The following PLCB1 variants were observed in gnomAD, a reference collection of about 807,000 sequenced individuals.
PLCB1 encodes the protein phospholipase C beta 1.
A neutral mutation model predicts 161.8 loss-of-function variants in PLCB1; 46 were observed. The ratio of observed to expected loss-of-function variants is 0.28; its 90% CI spans 0.22 to 0.36. The LOEUF (loss-of-function observed/expected upper bound fraction) is 0.36, where lower values mean the gene tolerates loss of function less well. Among genes scored for constraint, PLCB1 ranks in the 10% least tolerant of loss-of-function variants. The pLI, the probability that PLCB1 is intolerant of heterozygous loss-of-function variation, is 1.00. For missense variants in PLCB1, 1,016 were observed against 1,472.5 expected (o/e 0.69, Z 5.07); for synonymous variants, 517 against 503.7 (o/e 1.03, Z -0.35).
intron 3 of PLCB1, among the ~76,000 whole-genome samples, chr20:8,624,256 A>ATT (rs1014436713): frequency 2.6e-5 from 4 of 152,168 alleles, no homozygotes; most frequent in Non-Finnish European, 5.9e-5. Context: ...TATAACTGTA[A>ATT]TTCAGATTGA....
At position 8,760,422 on chromosome 20, in the gene PLCB1, C is replaced by A; in HGVS notation, c.2672C>A (p.Pro891His). The A allele has an allele frequency of 6.2e-7, 1 of 1,609,370 alleles. No homozygotes were observed. Among genetic ancestry groups the A allele is most frequent in the Middle Eastern group, 1.7e-4 (1 of 6,050 alleles). ...TATATTACAGGTTCTGTAAAGGCAC[C>A]TGCCAAAACAGAAGATCTTATTCAG... ...SQPAPGSVKA[P>H]AKTEDLIQSV... Residue 891 changes from proline (P) to histidine (H), a missense_variant, in exon 25 of 32, where the codon CCT becomes CAT. Around this residue, in one of 10 missense-constraint regions of PLCB1, gnomAD observed 398 missense variants for 445.4 expected, o/e 0.89. Coordinates refer to ENST00000338037, the MANE Select transcript of PLCB1 (RefSeq NM_015192.4).
At chr20:8,238,821 T>C (rs1351501118) in intron 2 of PLCB1, among the ~76,000 whole-genome samples, 2 of 150,704 alleles carry the variant, frequency 1.3e-5, no homozygotes, top group East Asian at 3.9e-4. Flanking sequence ...TATATAGAAA[T>C]GGGTAATCTT....
intron 2 of PLCB1, among the ~76,000 whole-genome samples, chr20:8,217,150 C>G (rs1204219081): frequency 6.6e-6 from 1 of 151,136 alleles, no homozygotes; most frequent in Non-Finnish European, 1.5e-5. Flanking sequence ...TTATTCACAT[C>G]TCCTTTGTAA....
chr20:8,632,907 C>T (rs764758955), intron 4 of PLCB1, among the ~76,000 whole-genome samples: 2 of 151,896 alleles, frequency 1.3e-5, no homozygotes, highest in Non-Finnish European at 2.9e-5. Flanking sequence ...GATGGAAGCC[C>T]CGAGAGGGTT....
At chr20:8,347,638 T>C (rs916906602) in intron 2 of PLCB1, among the ~76,000 whole-genome samples, 1 of 152,258 alleles carries the variant, frequency 6.6e-6, no homozygotes, top group Non-Finnish European at 1.5e-5. Flanking sequence ...ATTAATGGAA[T>C]TGGAATTGTC....
intron 2 of PLCB1, among the ~76,000 whole-genome samples, chr20:8,202,116 C>T (rs943267581): frequency 1.0e-5 from 1 of 98,454 alleles, no homozygotes; most frequent in Non-Finnish European, 2.0e-5. Context: ...CTCACTCTGT[C>T]GCCCAGACTG....
At chr20:8,353,640 AATC>A (rs1986259879) in intron 2 of PLCB1, among the ~76,000 whole-genome samples, 1 of 152,136 alleles carries the variant, frequency 6.6e-6, no homozygotes, top group Admixed American at 6.5e-5. Context: ...ACTTCAGCCT[AATC>A]ATGAGAAAAA....
At chr20:8,799,582 C>A (rs1022537) in intron 31 of PLCB1, among the ~76,000 whole-genome samples, 137,325 of 152,204 alleles carry the variant, frequency 0.9, 62,585 homozygotes, top group Non-Finnish European at 0.96. Flanking sequence ...CACATCCAAA[C>A]CACTTTAAAG....
chr20:8,334,283 G>A (rs761064312), intron 2 of PLCB1, among the ~76,000 whole-genome samples: 5 of 151,862 alleles, frequency 3.3e-5, no homozygotes, highest in Non-Finnish European at 5.9e-5. Context: ...ACTATGATTC[G>A]AGGCAAGTTA....
chr20:8,388,766 CAT>C (rs913186308), intron 3 of PLCB1, among the ~76,000 whole-genome samples: 16 of 152,010 alleles, frequency 1.1e-4, no homozygotes, highest in African/African-American at 3.1e-4. Flanking sequence ...TGTGTGCGTG[CAT>C]GTGTGTGTGT....
At chr20:8,360,188 T>A (rs1373042198) in intron 2 of PLCB1, among the ~76,000 whole-genome samples, 2 of 152,194 alleles carry the variant, frequency 1.3e-5, no homozygotes, top group African/African-American at 4.8e-5. Flanking sequence ...AACTATCAGC[T>A]CTCTGGGGAG....
chr20:8,210,345 A>G (rs1271377629), intron 2 of PLCB1, among the ~76,000 whole-genome samples: 1 of 151,906 alleles, frequency 6.6e-6, no homozygotes, highest in Admixed American at 6.6e-5. Context: ...CAATCTTTGA[A>G]CTCCTAAGTT....
At position 8,880,102 on chromosome 20, in the gene PLCB1, G is replaced by A. The variant is rs190716659; in HGVS notation, c.3424-1520G>A. On this transcript the variant is annotated intron_variant, in intron 31 of 31. Coordinates refer to ENST00000338037, the MANE Select transcript of PLCB1 (RefSeq NM_015192.4). ...GTGTGCACTTAAAGTTTGAAAAGCA[G>A]GGGGAAAAATACAGGTTTTAAGTCC... Among the ~76,000 whole-genome samples the A allele has an allele frequency of 1.4e-3, 216 of 151,962 alleles. 1 individual carries two copies. Among genetic ancestry groups the A allele is most frequent in the African/African-American group, 5.0e-3 (206 of 41,304 alleles).
chr20:8,326,425 A>G (rs1157841841), intron 2 of PLCB1, among the ~76,000 whole-genome samples: 2 of 152,222 alleles, frequency 1.3e-5, no homozygotes, highest in African/African-American at 2.4e-5. Flanking sequence ...AGGCCAAAGA[A>G]TAGGCGATTT....
At chr20:8,365,100 G>C (rs1986664341) in intron 2 of PLCB1, among the ~76,000 whole-genome samples, 1 of 151,792 alleles carries the variant, frequency 6.6e-6, no homozygotes, top group Non-Finnish European at 1.5e-5. Context: ...TTGCTAAGTG[G>C]AGATCTTAAT....
chr20:8,639,204 A>G (rs1341000049), intron 4 of PLCB1, among the ~76,000 whole-genome samples: 3 of 152,212 alleles, frequency 2.0e-5, no homozygotes, highest in East Asian at 1.9e-4. Flanking sequence ...TCATAGGGTC[A>G]TGATGGAGGG....
intron 2 of PLCB1, among the ~76,000 whole-genome samples, chr20:8,220,692 T>C (rs1049375317): frequency 6.6e-6 from 1 of 152,194 alleles, no homozygotes; most frequent in Non-Finnish European, 1.5e-5. Context: ...ATGGCCCTGC[T>C]GACAACTTGA....
intron 3 of PLCB1, among the ~76,000 whole-genome samples, chr20:8,514,304 G>A (rs1206360209): frequency 6.6e-6 from 1 of 152,048 alleles, no homozygotes; most frequent in Admixed American, 6.6e-5. Context: ...GCCAGGCGTG[G>A]TGGCGTGAGC....
intron 2 of PLCB1, among the ~76,000 whole-genome samples, chr20:8,293,613 G>GT (rs34080704): frequency 0.33 from 49,867 of 149,508 alleles, 8,539 homozygotes; most frequent in African/African-American, 0.43. Flanking sequence ...GACATAAGCA[G>GT]TTTTTTTTTT....
Sources: gnomAD v4.1 joint callset for allele counts (sites outside exome capture counted in the v4.1 genomes callset) on GRCh38, gnomAD v4.1.1 for gene constraint, gnomAD v4.1.1 regional missense constraint, MANE v1.5 for transcripts, NCBI Gene and HGNC (gene_info 2026-07-23, HGNC 2026-07-21) for gene names.